The following ZFPM2 variants were observed in gnomAD, a reference collection of about 807,000 sequenced individuals.
The protein encoded by ZFPM2 is zinc finger protein, FOG family member 2.
A neutral mutation model predicts 98.6 loss-of-function variants in ZFPM2; 20 were observed. The ratio of observed to expected loss-of-function variants is 0.20; its 90% CI spans 0.14 to 0.29. The LOEUF (loss-of-function observed/expected upper bound fraction) is 0.29, where lower values mean the gene tolerates loss of function less well. ZFPM2 is among the 10% of genes least tolerant of loss of function. The probability of loss-of-function intolerance (pLI) is 1.00; values close to 1 mark genes in which losing one functional copy is unlikely to be tolerated. For missense variants in ZFPM2, 1,310 were observed against 1,388.6 expected, an observed-to-expected ratio of 0.94 and a Z score of 0.90; for synonymous variants, 518 against 502.7, an observed-to-expected ratio of 1.03 and a Z score of -0.41.
chr8:105,604,526 G>A (rs1175103706), intron 4 of ZFPM2, among the ~76,000 whole-genome samples: 1 of 152,008 alleles, frequency 6.6e-6, no homozygotes, highest in Non-Finnish European at 1.5e-5. Context: ...TGGTCTCCAT[G>A]GCTCTACATG....
In ZFPM2 at chr8:105,634,242, A is replaced by G. The variant is rs374328454; in HGVS notation, c.421-4A>G. The G allele has an allele frequency of 8.7e-6, 14 of 1,608,624 alleles. No individual in the cohort carries two copies. The highest frequency in any genetic ancestry group is 1.2e-5 in the Non-Finnish European group (14 of 1,177,116). ...GCATCTGTTTGTTATCATTCTTTCT[A>G]CAGAAGACAAAGGCTCAGGTCCCAA... On this transcript the variant is annotated splice_region_variant and splice_polypyrimidine_tract_variant and intron_variant, in intron 4 of 7. Transcript: ENST00000407775.
chr8:105,746,751 A>G (rs1188309021), intron 5 of ZFPM2, among the ~76,000 whole-genome samples: 1 of 149,126 alleles, frequency 6.7e-6, no homozygotes, highest in African/African-American at 2.5e-5. Context: ...ATTCAAATGT[A>G]AGTGAAAAAC....
intron 3 of ZFPM2, among the ~76,000 whole-genome samples, chr8:105,462,762 T>C (rs1812726065): frequency 6.6e-6 from 1 of 152,122 alleles, no homozygotes; most frequent in African/African-American, 2.4e-5. Context: ...GTCTAAAATT[T>C]TGCTTCAACC....
At chr8:105,507,031 G>C (rs576861157) in intron 3 of ZFPM2, among the ~76,000 whole-genome samples, 29 of 151,462 alleles carry the variant, frequency 1.9e-4, no homozygotes, top group African/African-American at 7.0e-4. Context: ...CTTTGAAACA[G>C]CATAATAAGA....
At chr8:105,672,139 A>G (rs1817609500) in intron 5 of ZFPM2, among the ~76,000 whole-genome samples, 1 of 152,050 alleles carries the variant, frequency 6.6e-6, no homozygotes, top group African/African-American at 2.4e-5. Context: ...TTACTCATAT[A>G]GCATTTTGCT....
intron 3 of ZFPM2, among the ~76,000 whole-genome samples, chr8:105,489,387 GATATATATTTT>G (rs1438634701): frequency 7.0e-6 from 1 of 143,746 alleles, no homozygotes; most frequent in African/African-American, 2.6e-5. Flanking sequence ...TATATTTATA[GATATATATTTT>G]ATATATATTT....
At chr8:105,626,881 T>C (rs1305980055) in intron 4 of ZFPM2, among the ~76,000 whole-genome samples, 1 of 152,166 alleles carries the variant, frequency 6.6e-6, no homozygotes, top group Non-Finnish European at 1.5e-5. Flanking sequence ...GTATTTTTGT[T>C]GTATTTCCTA....
At chr8:105,487,332 T>A (rs1813249888) in intron 3 of ZFPM2, among the ~76,000 whole-genome samples, 1 of 152,154 alleles carries the variant, frequency 6.6e-6, no homozygotes, top group Admixed American at 6.6e-5. Flanking sequence ...TTGCCCAGGC[T>A]GGTGCTGAAT....
intron 3 of ZFPM2, among the ~76,000 whole-genome samples, chr8:105,552,629 A>G (rs1188106961): frequency 6.7e-6 from 1 of 149,192 alleles, no homozygotes; most frequent in Non-Finnish European, 1.5e-5. Flanking sequence ...ATTTTCAGAC[A>G]CCTGGGATGG....
At chr8:105,524,028 A>G (rs1419734674) in intron 3 of ZFPM2, among the ~76,000 whole-genome samples, 2 of 152,166 alleles carry the variant, frequency 1.3e-5, no homozygotes, top group African/African-American at 4.8e-5. Flanking sequence ...AGCTGTATCT[A>G]CCTAGAGTTA....
At chr8:105,520,153 T>C (rs562691755) in intron 3 of ZFPM2, among the ~76,000 whole-genome samples, 3 of 152,240 alleles carry the variant, frequency 2.0e-5, no homozygotes, top group South Asian at 2.1e-4. Flanking sequence ...TAAATTTAAG[T>C]GTTAAATGCA....
rs1417478335 is a variant in ZFPM2 at position 105,494,226 on chromosome 8, T to A, written c.301+49845T>A. Among the ~76,000 whole-genome samples the A allele has an allele frequency of 9.7e-5, 12 of 123,782 alleles. No individual in the cohort carries two copies. In the South Asian group the frequency reaches 2.6e-3, roughly 27 times the overall value. The allele number at this position is 123,782 out of a possible 152,430, so 81.2% of individuals were successfully genotyped here. ...ATATATATATATATATATATATATA[T>A]AATCTCAAACTCAACATATCTGAAA... On this transcript the variant is annotated intron_variant, in intron 3 of 7. Transcript: ENST00000407775.
At chr8:105,407,110 T>G in intron 1 of ZFPM2, among the ~76,000 whole-genome samples, 1 of 77,554 alleles carries the variant, frequency 1.3e-5, no homozygotes, top group Admixed American at 1.5e-4. Flanking sequence ...ATGCTCTAAT[T>G]TTTTTTTTTT....
intron 5 of ZFPM2, among the ~76,000 whole-genome samples, chr8:105,697,233 G>A (rs1811037961): frequency 6.6e-6 from 1 of 152,168 alleles, no homozygotes; most frequent in South Asian, 2.1e-4. Context: ...AGGTTAGAAT[G>A]AGCGCTTAAT....
At chr8:105,529,218 C>T (rs1033540365) in intron 3 of ZFPM2, among the ~76,000 whole-genome samples, 4 of 152,046 alleles carry the variant, frequency 2.6e-5, no homozygotes, top group Admixed American at 2.6e-4. Context: ...TACAAAGACA[C>T]CAGCCTTATT....
intron 4 of ZFPM2, among the ~76,000 whole-genome samples, chr8:105,599,914 C>T (rs1403365666): frequency 1.3e-5 from 2 of 152,100 alleles, no homozygotes; most frequent in Non-Finnish European, 2.9e-5. Context: ...ATGTGCAGGA[C>T]TTATCACCCC....
chr8:105,495,093 A>C (rs1324819331), intron 3 of ZFPM2, among the ~76,000 whole-genome samples: 1 of 152,216 alleles, frequency 6.6e-6, no homozygotes, highest in Non-Finnish European at 1.5e-5. Context: ...CACAGGCTGT[A>C]GTTTGCCCAC....
At chr8:105,580,023 T>C (rs1214528578) in intron 4 of ZFPM2, among the ~76,000 whole-genome samples, 1 of 152,178 alleles carries the variant, frequency 6.6e-6, no homozygotes, top group Non-Finnish European at 1.5e-5. Flanking sequence ...TACACACAGA[T>C]GTAAAATAGT....
At chr8:105,616,034 A>C (rs1816407498) in intron 4 of ZFPM2, among the ~76,000 whole-genome samples, 1 of 152,110 alleles carries the variant, frequency 6.6e-6, no homozygotes. Context: ...ATTTAAATTT[A>C]AGGCTTTTTA....
Sources: gnomAD v4.1 joint callset for allele counts (sites outside exome capture counted in the v4.1 genomes callset) on GRCh38, gnomAD v4.1.1 for gene constraint, MANE v1.5 for transcripts, NCBI Gene and HGNC (gene_info 2026-07-23, HGNC 2026-07-21) for gene names.